The following CFHR3 variants were observed in gnomAD, a reference collection of about 807,000 sequenced individuals.
CFHR3 encodes the protein complement factor H-related protein 3.
A neutral mutation model predicts 36.0 loss-of-function variants in CFHR3; 22 were observed. The ratio of observed to expected loss-of-function variants is 0.61; its 90% CI spans 0.44 to 0.87. The LOEUF (loss-of-function observed/expected upper bound fraction) is 0.87, where lower values mean the gene tolerates loss of function less well. CFHR3 is among the 40% of genes least tolerant of loss of function. The probability of loss-of-function intolerance (pLI) is 0.00; values close to 1 mark genes in which losing one functional copy is unlikely to be tolerated. For synonymous variants in CFHR3, 97 were observed against 137.4 expected, an observed-to-expected ratio of 0.71 and a Z score of 2.06; for missense variants, 276 against 401.3, an observed-to-expected ratio of 0.69 and a Z score of 2.67.
At chr1:196,776,834 GAT>G (rs35001925) in intron 1 of CFHR3, among the ~76,000 whole-genome samples, 82 of 127,778 alleles carry the variant, frequency 6.4e-4, no homozygotes, top group Non-Finnish European at 6.2e-4. Context: ...TTTACTCAAG[GAT>G]ATATATATAT....
rs184248233 is a variant in CFHR3 at position 196,794,358 on chromosome 1, G to A, written c.*845G>A. Among the ~76,000 whole-genome samples, 8 of 136,910 alleles carry A rather than the reference G, an allele frequency of 5.8e-5. 2 individuals carry two copies. The highest frequency in any genetic ancestry group is 2.4e-4 in the African/African-American group (8 of 32,848). The allele number at this position is 136,910 out of a possible 152,430, so 89.8% of individuals were successfully genotyped here. On this transcript the variant is annotated 3_prime_UTR_variant, in exon 6 of 6. Coordinates refer to ENST00000367425, the MANE Select transcript of CFHR3 (RefSeq NM_021023.6). Reference sequence around the variant, plus strand: ...TGCACCTGTAGTCCCAGCTACTCAGGAGGCTGAGGTGGGAGAATCACTTTA... The same window carrying A: ...TGCACCTGTAGTCCCAGCTACTCAGAAGGCTGAGGTGGGAGAATCACTTTA...
At chr1:196,783,215 T>C (rs1160932493) in intron 3 of CFHR3, among the ~76,000 whole-genome samples, 3 of 137,040 alleles carry the variant, frequency 2.2e-5, no homozygotes, top group Non-Finnish European at 4.6e-5. Flanking sequence ...CAGTATTTTA[T>C]TGAGGATTTT....
rs1653876990 is a variant in CFHR3, at chr1:196,779,893, G to T, written c.350G>T (p.Gly117Val). Residue 117 changes from glycine (G) to valine (V), a missense_variant, in exon 3 of 6, where the codon GGC becomes GTC. By Grantham distance (109) the Gly-to-Val change is moderately radical. Around this residue, in one of 3 missense-constraint regions of CFHR3, gnomAD observed 178 missense variants for 247.2 expected, o/e 0.72. Coordinates refer to ENST00000367425, the MANE Select transcript of CFHR3 (RefSeq NM_021023.6). ...TCTACAGAAGTTGCCTGCCATCCTG[G>T]CTACGGTCTTCCAAAAGCGCAGACC... is the stretch of plus-strand genomic sequence containing the variant. Reference protein sequence around the residue: ...GNSTEVACHPGYGLPKAQTTV... With the variant: ...GNSTEVACHPVYGLPKAQTTV... 7 of 1,533,040 alleles carry T rather than the reference G, an allele frequency of 4.6e-6. No homozygotes were observed. Among genetic ancestry groups the T allele is most frequent in the African/African-American group, 3.3e-5 (2 of 60,388 alleles). 95.0% of individuals were successfully genotyped at this position (1,533,040 alleles called of 1,614,324 possible).
Position 196,775,116 on chromosome 1 carries a change from A to G in CFHR3, c.58+172A>G, listed in dbSNP as rs765059274. Among the ~76,000 whole-genome samples the G allele has an allele frequency of 4.4e-5, 6 of 137,718 alleles. 1 individual carries two copies. Among genetic ancestry groups the G allele is most frequent in the Non-Finnish European group, 6.2e-5 (4 of 64,570 alleles). 90.3% of individuals were successfully genotyped at this position (137,718 alleles called of 152,430 possible). ...ACAGAAATTAATTTTATAAAAAATT[A>G]TCTCATTTTAACTTAAAGAAAAAAT... On this transcript the variant is annotated intron_variant, in intron 1 of 5. Transcript: ENST00000367425.
intron 5 of CFHR3, among the ~76,000 whole-genome samples, chr1:196,791,709 T>C (rs409088): frequency 0.27 from 34,790 of 129,354 alleles, 9,327 homozygotes; most frequent in East Asian, 0.52. Flanking sequence ...ATGCAAGTGG[T>C]AAGACTGAAG....
chr1:196,777,783 T>C lies in CFHR3; in HGVS notation c.59-1379T>C, dbSNP rs1036577194. Among the ~76,000 whole-genome samples the C allele has an allele frequency of 1.4e-4, 19 of 134,490 alleles. 4 individuals carry two copies. The highest frequency in any genetic ancestry group is 5.7e-4 in the African/African-American group (18 of 31,710). The allele number at this position is 134,490 out of a possible 152,430, so 88.2% of individuals were successfully genotyped here. On this transcript the variant is annotated intron_variant, in intron 1 of 5. Coordinates refer to ENST00000367425, the MANE Select transcript of CFHR3 (RefSeq NM_021023.6). ...GCGCGGATCACTTGAGGTCAGGAGT[T>C]GGAGACCAGCCCGGCCAACATGATG... is the stretch of plus-strand genomic sequence containing the variant.
chr1:196,786,933 A>T lies in CFHR3; in HGVS notation c.431-1283A>T, dbSNP rs1377044115. On this transcript the variant is annotated intron_variant, in intron 3 of 5. Coordinates refer to ENST00000367425, the MANE Select transcript of CFHR3 (RefSeq NM_021023.6). ...GGAGCTGTAGACCAGAGCTGTTCCG[A>T]TTTGGCCATCTTGGCTGCCCTCTAT... Among the ~76,000 whole-genome samples the T allele has an allele frequency of 5.8e-5, 8 of 137,070 alleles. 1 individual carries two copies. The highest frequency in any genetic ancestry group is 5.6e-4 in the Admixed American group (8 of 14,288). The allele number at this position is 137,070 out of a possible 152,430, so 89.9% of individuals were successfully genotyped here. A position where few individuals can be genotyped will look rare whatever the true frequency, so the allele number is the denominator to read the frequency against.
intron 5 of CFHR3, among the ~76,000 whole-genome samples, chr1:196,790,738 TAATAAATA>T (rs199831934): frequency 0.029 from 3,107 of 106,208 alleles, 498 homozygotes; most frequent in African/African-American, 0.062. Context: ...AATAAAAAAA[TAATAAATA>T]AATAAATAAA....
intron 4 of CFHR3, chr1:196,789,250 A>G: frequency 1.2e-6 from 1 of 800,610 alleles, no homozygotes; most frequent in Non-Finnish European, 1.5e-6. Context: ...ATAATATGGA[A>G]CCTTGATACA....
In CFHR3 at chr1:196,777,999, A is replaced by G. The variant is rs1352661853; in HGVS notation, c.59-1163A>G. Among the ~76,000 whole-genome samples the G allele has an allele frequency of 2.4e-4, 31 of 130,386 alleles. 8 individuals are homozygous for G. The highest frequency in any genetic ancestry group is 2.7e-4 in the African/African-American group (8 of 29,446). 85.5% of individuals were successfully genotyped at this position (130,386 alleles called of 152,430 possible). On this transcript the variant is annotated intron_variant, in intron 1 of 5. Coordinates refer to ENST00000367425, the MANE Select transcript of CFHR3 (RefSeq NM_021023.6). The stretch of plus-strand genomic sequence containing the variant: ...AAGACTGTTAAAAAAAAAAAAAAAA[A>G]AAAGAAAAGAAAGAAAAATTAAAAT...
chr1:196,783,744 C>G (rs1573114801), intron 3 of CFHR3, among the ~76,000 whole-genome samples: 1 of 135,980 alleles, frequency 7.4e-6, no homozygotes, highest in Non-Finnish European at 1.6e-5. Context: ...TTGATCCTTT[C>G]AAAAAACCAG....
rs1466795535 is a variant in CFHR3, at chr1:196,788,831, C to G, written c.613+433C>G. ...GTGCTTAATTCTGAATTTCTGCTAG[C>G]GTCAGGAGAATCAGACCTTAATAAT... On this transcript the variant is annotated intron_variant, in intron 4 of 5. Coordinates refer to ENST00000367425, the MANE Select transcript of CFHR3 (RefSeq NM_021023.6). 4.1e-6 allele frequency: 6 copies of G among 1,455,052 alleles called. 1 individual carries two copies. In the African/African-American group the frequency reaches 1.0e-4, roughly 25 times the overall value. 90.1% of individuals were successfully genotyped at this position (1,455,052 alleles called of 1,614,324 possible). A position where few individuals can be genotyped will look rare whatever the true frequency, so the allele number is the denominator to read the frequency against.
In CFHR3 at chr1:196,794,577, T is replaced by C. The variant is rs481759; in HGVS notation, c.*1064T>C. 0.18 allele frequency: 67,893 copies of C among 372,792 alleles called. 16,242 individuals carry two copies. The highest frequency in any genetic ancestry group is 0.47 in the East Asian group (5,714 of 12,088). The allele number at this position is 372,792 out of a possible 1,614,324, so 23.1% of individuals were successfully genotyped here. On this transcript the variant is annotated 3_prime_UTR_variant, in exon 6 of 6. Transcript: ENST00000367425. Reference sequence around the variant, plus strand: ...TACAAATATTTTGAAAGTTTCTTCATATATGGTTTTTTGCATTTCTTATTA... The same window carrying C: ...TACAAATATTTTGAAAGTTTCTTCACATATGGTTTTTTGCATTTCTTATTA...
chr1:196,784,098 T>C (rs1299545342), intron 3 of CFHR3, among the ~76,000 whole-genome samples: 1 of 136,714 alleles, frequency 7.3e-6, no homozygotes, highest in Non-Finnish European at 1.5e-5. Flanking sequence ...TCAGTTTCCA[T>C]GTAGTTGAGC....
At position 196,792,051 on chromosome 1, in the gene CFHR3, T is replaced by C. The variant is rs569117942; in HGVS notation, c.797-1266T>C. Among the ~76,000 whole-genome samples the C allele has an allele frequency of 1.5e-5, 2 of 131,860 alleles. 1 individual carries two copies. The highest frequency in any genetic ancestry group is 3.2e-5 in the Non-Finnish European group (2 of 63,420). The allele number at this position is 131,860 out of a possible 152,430, so 86.5% of individuals were successfully genotyped here. On this transcript the variant is annotated intron_variant, in intron 5 of 5. Transcript: ENST00000367425. ...AAAGATTACATATACATATGGCATA[T>C]TAAAGCAATGAGGAAAATTTTCCCA...
Position 196,791,317 on chromosome 1 carries a change from A to G in CFHR3, c.796+1090A>G, listed in dbSNP as rs1375982053. On this transcript the variant is annotated intron_variant, in intron 5 of 5. Transcript: ENST00000367425. ...GAACTTGAAGCAACACAACTCAAAAAATATAAGCCACAATGATTATGGCAA... is the reference window on the plus strand; with the variant it reads ...GAACTTGAAGCAACACAACTCAAAAGATATAAGCCACAATGATTATGGCAA... 6.6e-5 allele frequency among the ~76,000 whole-genome samples: 9 copies of G among 136,654 alleles called. 4 individuals are homozygous for G. Among genetic ancestry groups the G allele is most frequent in the African/African-American group, 2.8e-4 (9 of 32,520 alleles). 89.7% of individuals were successfully genotyped at this position (136,654 alleles called of 152,430 possible).
Position 196,779,248 on chromosome 1 carries a change from A to T in CFHR3, c.145A>T (p.Lys49Ter), listed in dbSNP as rs1467246270. The T allele has an allele frequency of 1.3e-6, 2 of 1,526,622 alleles. No individual in the cohort carries two copies. The highest frequency in any genetic ancestry group is 2.2e-5 in the East Asian group (1 of 44,608). The allele number at this position is 1,526,622 out of a possible 1,614,324, so 94.6% of individuals were successfully genotyped here. The change falls in exon 2 of 6, where the codon AAA (lysine) becomes TAA (stop). Residue 49 changes from lysine to a stop codon, truncating the protein, a stop_gained. Coordinates refer to ENST00000367425, the MANE Select transcript of CFHR3 (RefSeq NM_021023.6). LOFTEE classifies it high-confidence loss of function. ...RRPYFPVAVG[K>*]YYSYYCDEHF... ...ACCATACTTTCCAGTAGCTGTAGGAAAATATTACTCCTATTACTGTGATGA... is the reference window on the plus strand; with the variant it reads ...ACCATACTTTCCAGTAGCTGTAGGATAATATTACTCCTATTACTGTGATGA...
In CFHR3 at chr1:196,775,305, AAC is replaced by A. The variant is rs1255768114; in HGVS notation, c.58+363_58+364del. Among the ~76,000 whole-genome samples the A allele has an allele frequency of 2.9e-5, 4 of 136,716 alleles. 1 individual carries two copies. Among genetic ancestry groups the A allele is most frequent in the African/African-American group, 1.2e-4 (4 of 32,940 alleles). The allele number at this position is 136,716 out of a possible 152,430, so 89.7% of individuals were successfully genotyped here. A position where few individuals can be genotyped will look rare whatever the true frequency, so the allele number is the denominator to read the frequency against. ...ATTTTCCTATACGTAATACAAGGGG[AAC>A]ATTGGGAGTGACTGATGTTTTCATA... On this transcript the variant is annotated intron_variant, in intron 1 of 5. Coordinates refer to ENST00000367425, the MANE Select transcript of CFHR3 (RefSeq NM_021023.6).
rs1654236277 is a variant in CFHR3, at chr1:196,787,098, T to C, written c.431-1118T>C. 1.5e-5 allele frequency among the ~76,000 whole-genome samples: 2 copies of C among 137,756 alleles called. 1 individual carries two copies. Among genetic ancestry groups the C allele is most frequent in the Non-Finnish European group, 3.1e-5 (2 of 64,760 alleles). The allele number at this position is 137,756 out of a possible 152,430, so 90.4% of individuals were successfully genotyped here. A position where few individuals can be genotyped will look rare whatever the true frequency, so the allele number is the denominator to read the frequency against. ...TTGCAATTTACAAAACATTCCATTA[T>C]AGAAACCGCATAATAATTATGGAAT... On this transcript the variant is annotated intron_variant, in intron 3 of 5. Coordinates refer to ENST00000367425, the MANE Select transcript of CFHR3 (RefSeq NM_021023.6).
Sources: gnomAD v4.1 joint callset for allele counts (sites outside exome capture counted in the v4.1 genomes callset) on GRCh38, gnomAD v4.1.1 for gene constraint, gnomAD v4.1.1 regional missense constraint, MANE v1.5 for transcripts, NCBI Gene and HGNC (gene_info 2026-07-23, HGNC 2026-07-21) for gene names.